DHRSX: variants seen among roughly 807,000 people sequenced by gnomAD.
DHRSX encodes dehydrogenase/reductase X-linked, also known as polyprenol dehydrogenase.
Under a neutral mutation model 34.0 loss-of-function variants are expected in DHRSX, and 31 were observed. The ratio of observed to expected loss-of-function variants is 0.91; its 90% CI spans 0.69 to 1.23. DHRSX has a LOEUF of 1.23. Ranked by LOEUF, DHRSX falls within the 50% of genes most tolerant of loss-of-function variation. The pLI, the probability that DHRSX is intolerant of heterozygous loss-of-function variation, is 0.00. For synonymous variants in DHRSX, 201 were observed against 183.8 expected (o/e 1.09, Z -0.76); for missense variants, 414 against 428.1 (o/e 0.97, Z 0.29).
chrX:2,431,918 T>C (rs2043928954), intron 1 of DHRSX, among the ~76,000 whole-genome samples: 1 of 152,030 alleles, frequency 6.6e-6, no homozygotes, highest in Admixed American at 6.6e-5. Context: ...TGAGGCCAGA[T>C]GCGGTGGCTC....
intron 3 of DHRSX, among the ~76,000 whole-genome samples, chrX:2,360,155 G>A (rs1475292193): frequency 6.6e-6 from 1 of 152,016 alleles, no homozygotes; most frequent in Non-Finnish European, 1.5e-5. Flanking sequence ...TTCCCTGAGT[G>A]CAAAAGAACT....
chrX:2,452,323 C>A (rs1476119350), intron 1 of DHRSX, among the ~76,000 whole-genome samples: 2 of 151,558 alleles, frequency 1.3e-5, no homozygotes, highest in African/African-American at 4.8e-5. Flanking sequence ...AAGAATGCAG[C>A]CAAGGGACGG....
At chrX:2,482,841 T>G (rs2044795538) in intron 1 of DHRSX, among the ~76,000 whole-genome samples, 1 of 152,100 alleles carries the variant, frequency 6.6e-6, no homozygotes, top group South Asian at 2.1e-4. Context: ...TAAAAGCCAG[T>G]TGGAGCCTGA....
intron 3 of DHRSX, among the ~76,000 whole-genome samples, chrX:2,371,226 G>A (rs2043055732): frequency 8.3e-6 from 1 of 120,244 alleles, no homozygotes; most frequent in Admixed American, 8.2e-5. Flanking sequence ...CGTTACCGTA[G>A]TCCCTCCCCA....
intron 3 of DHRSX, among the ~76,000 whole-genome samples, chrX:2,368,162 G>C (rs2043016253): frequency 6.6e-6 from 1 of 151,386 alleles, no homozygotes; most frequent in African/African-American, 2.4e-5. Flanking sequence ...AGAATCACTT[G>C]AACCTGGGAG....
intron 3 of DHRSX, among the ~76,000 whole-genome samples, chrX:2,362,791 CCGCCA>C (rs1307786068): frequency 0.01 from 1,504 of 146,096 alleles, 64 homozygotes; most frequent in African/African-American, 0.036. Context: ...TGGTATCATG[CCGCCA>C]TTTTATCACC....
At chrX:2,335,371 G>A (rs2042543728) in intron 3 of DHRSX, among the ~76,000 whole-genome samples, 1 of 151,898 alleles carries the variant, frequency 6.6e-6, no homozygotes, top group Admixed American at 6.6e-5. Flanking sequence ...CAGAAACACG[G>A]GGACGACTCG....
chrX:2,231,019 A>C (rs1203035906), intron 6 of DHRSX, among the ~76,000 whole-genome samples: 3 of 152,186 alleles, frequency 2.0e-5, no homozygotes, highest in African/African-American at 7.2e-5. Flanking sequence ...CTCATCTCTT[A>C]GCTTGAGTCA....
chrX:2,365,262 C>T (rs2042983141), intron 3 of DHRSX, among the ~76,000 whole-genome samples: 1 of 152,176 alleles, frequency 6.6e-6, no homozygotes, highest in South Asian at 2.1e-4. Context: ...GCCTCAGCCT[C>T]CCTGGTAGCT....
rs1181018519 is a variant in DHRSX at position 2,353,128 on chromosome X, G to A, written c.286+55617C>T. ...GGCATGGTAGCACGTGCCTACAGTC[G>A]TAGCTACTCGAGAGACTGAGGTGGG... On this transcript the variant is annotated intron_variant, in intron 3 of 6. Transcript: ENST00000334651. Among the ~76,000 whole-genome samples the A allele has an allele frequency of 5.9e-5, 9 of 152,198 alleles. No homozygotes were observed. In the South Asian group the frequency reaches 8.3e-4, roughly 14 times the overall value.
At chrX:2,347,932 A>G (rs2042740999) in intron 3 of DHRSX, among the ~76,000 whole-genome samples, 1 of 152,090 alleles carries the variant, frequency 6.6e-6, no homozygotes, top group African/African-American at 2.4e-5. Flanking sequence ...TGTCTTGGTA[A>G]TGAACACCCC....
intron 3 of DHRSX, among the ~76,000 whole-genome samples, chrX:2,356,413 G>T (rs1442007833): frequency 2.0e-5 from 3 of 152,138 alleles, no homozygotes; most frequent in Admixed American, 6.6e-5. Context: ...ATCATGTCAG[G>T]GGTGCAGAGG....
At chrX:2,354,510 G>A (rs1249309562) in intron 3 of DHRSX, among the ~76,000 whole-genome samples, 3 of 152,216 alleles carry the variant, frequency 2.0e-5, no homozygotes, top group Admixed American at 2.0e-4. Context: ...CAGCCAGGCT[G>A]GAGTGCAGTG....
intron 5 of DHRSX, among the ~76,000 whole-genome samples, chrX:2,265,983 T>C (rs1234324128): frequency 0.025 from 975 of 39,012 alleles, no homozygotes; most frequent in Non-Finnish European, 0.025. Flanking sequence ...GGAGCACTGT[T>C]CCCAGAGCAC....
At chrX:2,380,352 TA>T (rs34993427) in intron 3 of DHRSX, among the ~76,000 whole-genome samples, 16,502 of 131,438 alleles carry the variant, frequency 0.13, 1,236 homozygotes, top group South Asian at 0.21. Flanking sequence ...TGAGATGTCT[TA>T]AAAAAAAAAA....
intron 3 of DHRSX, among the ~76,000 whole-genome samples, chrX:2,329,368 C>T (rs954387215): frequency 2.0e-5 from 3 of 152,130 alleles, no homozygotes; most frequent in East Asian, 1.9e-4. Flanking sequence ...TTGGATTGTG[C>T]GGTTCAAACG....
intron 5 of DHRSX, among the ~76,000 whole-genome samples, chrX:2,265,585 C>T (rs1249787822): frequency 4.5e-5 from 6 of 133,092 alleles, no homozygotes; most frequent in South Asian, 2.4e-4. Context: ...AGCACTGTCC[C>T]CAGAGCACCA....
chrX:2,383,394 GATCATCACCATCATCATC>G (rs930306644), intron 3 of DHRSX, among the ~76,000 whole-genome samples: 5 of 147,968 alleles, frequency 3.4e-5, no homozygotes, highest in African/African-American at 1.2e-4. Flanking sequence ...CCATCGTCAT[GATCATCACCATCATCATC>G]ATCATCACCA....
intron 3 of DHRSX, among the ~76,000 whole-genome samples, chrX:2,378,392 G>C (rs2043166153): frequency 6.6e-6 from 1 of 152,106 alleles, no homozygotes; most frequent in African/African-American, 2.4e-5. Context: ...TTGAATGGGT[G>C]TCCCCTTATA....
Sources: allele counts gnomAD v4.1 joint callset (sites outside exome capture counted in the v4.1 genomes callset), GRCh38; gene constraint gnomAD v4.1.1; transcripts MANE v1.5; gene names NCBI Gene and HGNC (gene_info 2026-07-23, HGNC 2026-07-21).